The following PLCL2 variants were observed in gnomAD, a reference collection of about 807,000 sequenced individuals.
The protein encoded by PLCL2 is inactive phospholipase C-like protein 2.
A neutral mutation model predicts 79.6 loss-of-function variants in PLCL2; 4 were observed. The ratio of observed to expected loss-of-function variants is 0.05; its 90% CI spans 0.02 to 0.11. PLCL2 has a LOEUF of 0.11. Ranked by LOEUF, PLCL2 falls within the 10% of genes least tolerant of loss-of-function variation. The pLI, the probability that PLCL2 is intolerant of heterozygous loss-of-function variation, is 1.00. For missense variants in PLCL2, 895 were observed against 1,291.0 expected (o/e 0.69, Z 4.70); for synonymous variants, 484 against 457.7 (o/e 1.06, Z -0.73).
At chr3:17,063,154 T>G (rs1427989083) in intron 4 of PLCL2, among the ~76,000 whole-genome samples, 1 of 149,244 alleles carries the variant, frequency 6.7e-6, no homozygotes, top group Non-Finnish European at 1.5e-5. Flanking sequence ...CCAATTATTT[T>G]TATTAAATAT....
intron 1 of PLCL2, among the ~76,000 whole-genome samples, chr3:16,973,588 A>T (rs567673001): frequency 5.7e-4 from 87 of 152,318 alleles, no homozygotes; most frequent in African/African-American, 2.0e-3. Context: ...TTTAAAGAGT[A>T]TTGCTCATGA....
chr3:16,937,304 G>A (rs1697563898), intron 1 of PLCL2, among the ~76,000 whole-genome samples: 1 of 152,168 alleles, frequency 6.6e-6, no homozygotes, highest in Admixed American at 6.6e-5. Context: ...AAATTTCATA[G>A]CATTCCAAGG....
chr3:16,906,569 T>G (rs113949909), intron 1 of PLCL2, among the ~76,000 whole-genome samples: 109 of 152,322 alleles, frequency 7.2e-4, no homozygotes, highest in Middle Eastern at 6.8e-3. Flanking sequence ...GTAATGAATA[T>G]TCTACAGAGT....
Position 17,041,958 on chromosome 3 carries a change from GA to G in PLCL2, c.3019-908del, listed in dbSNP as rs1207697222. On this transcript the variant is annotated intron_variant, in intron 3 of 5. Transcript: ENST00000615277. Reference sequence around the variant, plus strand: ...ACCGTGTCTCTTAAAAAAATAAAAAGAAAAAAAATGAGGCAGAAATGAAAGG... The same window carrying G: ...ACCGTGTCTCTTAAAAAAATAAAAAGAAAAAAATGAGGCAGAAATGAAAGG... Among the ~76,000 whole-genome samples, 6 of 151,294 alleles carry G rather than the reference GA, an allele frequency of 4.0e-5. No individual in the cohort carries two copies. The East Asian group carries it at 1.2e-3, about 29-fold the overall frequency.
intron 1 of PLCL2, among the ~76,000 whole-genome samples, chr3:16,913,799 G>T (rs1446571508): frequency 6.6e-6 from 1 of 152,044 alleles, no homozygotes; most frequent in African/African-American, 2.4e-5. Flanking sequence ...AGAACACTGG[G>T]GGTGCTAGAT....
chr3:16,981,679 A>G (rs2064000327), intron 1 of PLCL2, among the ~76,000 whole-genome samples: 1 of 152,224 alleles, frequency 6.6e-6, no homozygotes, highest in Admixed American at 6.5e-5. Flanking sequence ...TTAGTACAAA[A>G]GTAGTTGTGG....
At chr3:16,963,406 T>G (rs963133485) in intron 1 of PLCL2, among the ~76,000 whole-genome samples, 7 of 152,162 alleles carry the variant, frequency 4.6e-5, no homozygotes, top group Non-Finnish European at 1.0e-4. Flanking sequence ...AAATATTTAA[T>G]AGCTTATCAT....
chr3:17,008,759 A>G (rs916858912), intron 1 of PLCL2, among the ~76,000 whole-genome samples: 1 of 152,110 alleles, frequency 6.6e-6, no homozygotes, highest in African/African-American at 2.4e-5. Context: ...TGAAATTCTT[A>G]ATAATTTTTA....
rs946348994 is a variant in PLCL2 at position 16,949,064 on chromosome 3, T to C, written c.328-60610T>C. On this transcript the variant is annotated intron_variant, in intron 1 of 5. Transcript: ENST00000615277. The stretch of plus-strand genomic sequence containing the variant: ...GACAAATAATATGTATATATCATAA[T>C]TTTTTAACCATTCCCCTATTGATGG... 1.6e-4 allele frequency among the ~76,000 whole-genome samples: 24 copies of C among 152,222 alleles called. 1 individual carries two copies. The highest frequency in any genetic ancestry group is 2.4e-5 in the African/African-American group (1 of 41,462).
At chr3:16,892,333 C>T (rs960682821) in intron 1 of PLCL2, among the ~76,000 whole-genome samples, 1 of 152,114 alleles carries the variant, frequency 6.6e-6, no homozygotes, top group Non-Finnish European at 1.5e-5. Context: ...CCCTTTTGTG[C>T]CCTGAAATAA....
chr3:16,943,553 C>T (rs150040266), intron 1 of PLCL2, among the ~76,000 whole-genome samples: 44 of 152,264 alleles, frequency 2.9e-4, no homozygotes, highest in African/African-American at 1.0e-3. Context: ...TGCAGAAAGG[C>T]TTATAAAAGA....
rs548848645 is a variant in PLCL2, at chr3:17,023,529, C to A, written c.3018+8618C>A. Among the ~76,000 whole-genome samples, 10 of 152,250 alleles carry A rather than the reference C, an allele frequency of 6.6e-5. No individual in the cohort carries two copies. In the South Asian group the frequency reaches 1.9e-3, roughly 28 times the overall value. ...TTTATCAGGGATTTCCACTTTGCTT[C>A]TTTCTTATTCTCTCTTGCCACCACC... On this transcript the variant is annotated intron_variant, in intron 3 of 5. Transcript: ENST00000615277.
intron 1 of PLCL2, among the ~76,000 whole-genome samples, chr3:16,931,445 C>T (rs533659877): frequency 6.6e-6 from 1 of 152,200 alleles, no homozygotes; most frequent in Non-Finnish European, 1.5e-5. Context: ...AGAAAAAAAG[C>T]ACGTAAATGT....
chr3:17,028,004 T>C (rs2064537128), intron 3 of PLCL2, among the ~76,000 whole-genome samples: 1 of 152,172 alleles, frequency 6.6e-6, no homozygotes, highest in Non-Finnish European at 1.5e-5. Context: ...TAACCTCACA[T>C]ATATTTAGTG....
At chr3:17,021,366 A>G (rs1201434726) in intron 3 of PLCL2, among the ~76,000 whole-genome samples, 1 of 152,178 alleles carries the variant, frequency 6.6e-6, no homozygotes, top group Non-Finnish European at 1.5e-5. Context: ...TGGAAGTGAA[A>G]ATAAATGTTT....
At chr3:16,902,159 T>C (rs1696634621) in intron 1 of PLCL2, among the ~76,000 whole-genome samples, 1 of 152,206 alleles carries the variant, frequency 6.6e-6, no homozygotes, top group African/African-American at 2.4e-5. Flanking sequence ...CCCCTCCTCC[T>C]ATCTGGTCCT....
intron 1 of PLCL2, among the ~76,000 whole-genome samples, chr3:17,007,499 T>G (rs921164911): frequency 1.3e-5 from 2 of 152,204 alleles, no homozygotes; most frequent in African/African-American, 4.8e-5. Context: ...TGCACTTTAT[T>G]GTTCTGAGGA....
chr3:17,074,859 CTTGCTCTGGATTAGGCTT>C (rs1480300277), intron 5 of PLCL2, among the ~76,000 whole-genome samples: 6 of 152,224 alleles, frequency 3.9e-5, no homozygotes, highest in Admixed American at 6.5e-5. Flanking sequence ...GAGTTAGGGC[CTTGCTCTGGATTAGGCTT>C]TGGCTTAAGA....
intron 1 of PLCL2, among the ~76,000 whole-genome samples, chr3:16,927,122 T>C (rs1697274785): frequency 6.6e-6 from 1 of 152,218 alleles, no homozygotes; most frequent in African/African-American, 2.4e-5. Context: ...TAAAGTGAAA[T>C]GTTAAACAAA....
Sources: gnomAD v4.1 joint callset for allele counts (sites outside exome capture counted in the v4.1 genomes callset) on GRCh38, gnomAD v4.1.1 for gene constraint, MANE v1.5 for transcripts, NCBI Gene and HGNC (gene_info 2026-07-23, HGNC 2026-07-21) for gene names.